The following PALLD variants were observed in gnomAD, a reference collection of about 807,000 sequenced individuals.
The protein encoded by PALLD is palladin.
A neutral mutation model predicts 123.5 loss-of-function variants in PALLD; 61 were observed. That is an observed-to-expected ratio of 0.49 (90% confidence interval 0.40 to 0.61). The LOEUF is 0.61. Among genes scored for constraint, PALLD ranks in the 20% least tolerant of loss-of-function variants. The pLI, the probability that PALLD is intolerant of heterozygous loss-of-function variation, is 0.00. For synonymous variants in PALLD, 465 were observed against 496.4 expected (o/e 0.94, Z 0.84); for missense variants, 1,273 against 1,377.0 (o/e 0.92, Z 1.20).
chr4:168,832,122 GC>G, intron 10 of PALLD: 1 of 974,446 alleles, frequency 1.0e-6, no homozygotes. Context: ...GCTCCCGCTC[GC>G]TCCGGACGCG....
At chr4:168,593,724 G>A (rs1195989379) in intron 2 of PALLD, among the ~76,000 whole-genome samples, 3 of 152,192 alleles carry the variant, frequency 2.0e-5, no homozygotes, top group Non-Finnish European at 4.4e-5. Flanking sequence ...TTGACGGTCA[G>A]ATGTTTAGAA....
intron 2 of PALLD, among the ~76,000 whole-genome samples, chr4:168,654,192 A>G (rs1466797718): frequency 6.6e-6 from 1 of 152,204 alleles, no homozygotes; most frequent in Non-Finnish European, 1.5e-5. Flanking sequence ...CAACTAGTAA[A>G]TATCATATGC....
At chr4:168,891,148 CACA>C (rs1754097629) in intron 11 of PALLD, 91 bp downstream of exon 11, 1 of 1,259,946 alleles carries the variant, frequency 7.9e-7, no homozygotes, top group Admixed American at 1.7e-5. Context: ...GATATTTGTC[CACA>C]ACATCATCAT....
rs553233977 is a variant in PALLD, at chr4:168,868,703, C to T, written c.1965-22219C>T. Among the ~76,000 whole-genome samples, 13 of 152,300 alleles carry T rather than the reference C, an allele frequency of 8.5e-5. No individual in the cohort carries two copies. In the East Asian group the frequency reaches 1.3e-3, roughly 16 times the overall value. On this transcript the variant is annotated intron_variant, in intron 10 of 21. Coordinates refer to ENST00000505667, the MANE Select transcript of PALLD (RefSeq NM_001166108.2). The stretch of plus-strand genomic sequence containing the variant: ...GCGGCCTTGTTAGAAACACTCTGTC[C>T]GGTCTTTTATGACTTGCTACACTAC...
At position 168,809,938 on chromosome 4, in the gene PALLD, G is replaced by A. The variant is rs917885098; in HGVS notation, c.1965-80984G>A. 2.6e-5 allele frequency among the ~76,000 whole-genome samples: 4 copies of A among 152,222 alleles called. No homozygotes were observed. In the East Asian group the frequency reaches 7.7e-4, roughly 29 times the overall value. ...AACACAGCTAAGAAGGAGTAGTCAG[G>A]GAAGTGTTAATAGAAGGAGGGTGGA... On this transcript the variant is annotated intron_variant, in intron 10 of 21. Transcript: ENST00000505667.
At chr4:168,571,611 T>C (rs1010312675) in intron 2 of PALLD, among the ~76,000 whole-genome samples, 8 of 152,174 alleles carry the variant, frequency 5.3e-5, no homozygotes, top group Non-Finnish European at 8.8e-5. Context: ...TTTGTAAAAC[T>C]ATAGAAGTCA....
chr4:168,698,356 TA>T (rs1783352941), intron 8 of PALLD, among the ~76,000 whole-genome samples: 1 of 151,762 alleles, frequency 6.6e-6, no homozygotes, highest in African/African-American at 2.4e-5. Flanking sequence ...TATAAGAGTG[TA>T]ATTGGATTGT....
chr4:168,509,777 CAGTAT>C lies in PALLD; in HGVS notation c.-82-1645_-82-1641del, dbSNP rs1288705662. Among the ~76,000 whole-genome samples the C allele has an allele frequency of 1.4e-4, 21 of 152,256 alleles. 1 individual carries two copies. The highest frequency in any genetic ancestry group is 1.2e-3 in the Admixed American group (19 of 15,294). On this transcript the variant is annotated intron_variant, in intron 1 of 21. Coordinates refer to ENST00000505667, the MANE Select transcript of PALLD (RefSeq NM_001166108.2). ...TAAGAAGACATGTAAGACAAAAGTA[CAGTAT>C]TCCACTTAAGAAGATGGGGTATGTT...
Position 168,862,887 on chromosome 4 carries a change from GAC to G in PALLD, c.1965-28031_1965-28030del, listed in dbSNP as rs1402845400. On this transcript the variant is annotated intron_variant, in intron 10 of 21. Coordinates refer to ENST00000505667, the MANE Select transcript of PALLD (RefSeq NM_001166108.2). Reference sequence around the variant, plus strand: ...ATAAGGATTGAGATCTGCTGCCAGAGACACATGTTGCAATATCAATAGAAGGT... The same window carrying G: ...ATAAGGATTGAGATCTGCTGCCAGAGACATGTTGCAATATCAATAGAAGGT... Among the ~76,000 whole-genome samples the G allele has an allele frequency of 8.5e-5, 13 of 152,284 alleles. No individual in the cohort carries two copies. In the East Asian group the frequency reaches 2.3e-3, roughly 27 times the overall value.
chr4:168,805,781 T>C (rs1266455117), intron 10 of PALLD, among the ~76,000 whole-genome samples: 1 of 152,216 alleles, frequency 6.6e-6, no homozygotes, highest in Non-Finnish European at 1.5e-5. Context: ...GTCATAGATT[T>C]CCCTGCTTCT....
At chr4:168,797,832 C>A (rs1411347758) in intron 10 of PALLD, among the ~76,000 whole-genome samples, 1 of 151,472 alleles carries the variant, frequency 6.6e-6, no homozygotes, top group Non-Finnish European at 1.5e-5. Context: ...CTCAACCCCA[C>A]CCCCACCACC....
chr4:168,878,139 C>T lies in PALLD; in HGVS notation c.1965-12783C>T, dbSNP rs1414309407. 2 of 1,487,922 alleles carry T rather than the reference C, an allele frequency of 1.3e-6. No individual in the cohort carries two copies. The highest frequency in any genetic ancestry group is 1.8e-6 in the Non-Finnish European group (2 of 1,126,114). 92.2% of individuals were successfully genotyped at this position (1,487,922 alleles called of 1,614,324 possible). On this transcript the variant is annotated intron_variant, in intron 10 of 21. Transcript: ENST00000505667. ...GCTGAGCCCGAGGCCCCGTGGGGCT[C>T]CTCCTCGCCGTCGCCCCCGCCCCCG...
At position 168,595,270 on chromosome 4, in the gene PALLD, C is replaced by A. The variant is rs556482758; in HGVS notation, c.909-72920C>A. On this transcript the variant is annotated intron_variant, in intron 2 of 21. Transcript: ENST00000505667. Reference sequence around the variant, plus strand: ...TGCCTAGAACCAATTAAATACTGGGCTATTTTAAGTTTCCCAATGCAGCTA... The same window carrying A: ...TGCCTAGAACCAATTAAATACTGGGATATTTTAAGTTTCCCAATGCAGCTA... Among the ~76,000 whole-genome samples, 194 of 152,188 alleles carry A rather than the reference C, an allele frequency of 1.3e-3. 7 individuals are homozygous for A. The South Asian group carries it at 0.039, about 31-fold the overall frequency.
chr4:168,554,026 C>T (rs1379584321), intron 2 of PALLD, among the ~76,000 whole-genome samples: 1 of 152,216 alleles, frequency 6.6e-6, no homozygotes. Context: ...GCAGCAGAGA[C>T]CATGTCTGTC....
At chr4:168,716,897 A>T (rs1210641845) in intron 10 of PALLD, among the ~76,000 whole-genome samples, 1 of 152,134 alleles carries the variant, frequency 6.6e-6, no homozygotes. Context: ...ACACAAATTG[A>T]AGTACAAGTT....
At chr4:168,608,979 C>T (rs1388433179) in intron 2 of PALLD, among the ~76,000 whole-genome samples, 11 of 152,006 alleles carry the variant, frequency 7.2e-5, no homozygotes, top group East Asian at 1.9e-4. Context: ...ACACACACCC[C>T]GCTTCCTTCC....
At chr4:168,784,120 C>A (rs1736335747) in intron 10 of PALLD, among the ~76,000 whole-genome samples, 1 of 152,012 alleles carries the variant, frequency 6.6e-6, no homozygotes, top group Non-Finnish European at 1.5e-5. Flanking sequence ...GAGCTAGGAG[C>A]AAGAGCTTAG....
chr4:168,534,932 G>A (rs1764955166), intron 2 of PALLD, among the ~76,000 whole-genome samples: 1 of 152,020 alleles, frequency 6.6e-6, no homozygotes. Flanking sequence ...TGCATCTGTG[G>A]ATTCAACCAA....
chr4:168,891,727 G>A (rs1025650477), intron 11 of PALLD, among the ~76,000 whole-genome samples: 3 of 151,844 alleles, frequency 2.0e-5, no homozygotes, highest in Non-Finnish European at 4.4e-5. Context: ...CTGGCTGATA[G>A]GGTTGGGGAG....
Sources: allele counts gnomAD v4.1 joint callset (sites outside exome capture counted in the v4.1 genomes callset), GRCh38; gene constraint gnomAD v4.1.1; transcripts MANE v1.5; gene names NCBI Gene and HGNC (gene_info 2026-07-23, HGNC 2026-07-21).